The following PLCB1 variants were observed in gnomAD, a reference collection of about 807,000 sequenced individuals.
PLCB1 encodes phospholipase C beta 1.
A neutral mutation model predicts 161.8 loss-of-function variants in PLCB1; 46 were observed. The observed-to-expected ratio is 0.28, with a 90% CI of 0.22 to 0.36. The LOEUF (loss-of-function observed/expected upper bound fraction) is 0.36. PLCB1 is among the 10% of genes least tolerant of loss of function. The probability of loss-of-function intolerance (pLI) is 1.00; values close to 1 mark genes in which losing one functional copy is unlikely to be tolerated. For synonymous variants in PLCB1, 517 were observed against 503.7 expected, an observed-to-expected ratio of 1.03 and a Z score of -0.35; for missense variants, 1,016 against 1,472.5, an observed-to-expected ratio of 0.69 and a Z score of 5.07.
chr20:8,383,285 T>C (rs1430032094), intron 3 of PLCB1, among the ~76,000 whole-genome samples: 1 of 152,352 alleles, frequency 6.6e-6, no homozygotes, highest in East Asian at 1.9e-4. Flanking sequence ...TTTACCATTA[T>C]GTAATGCCCT....
chr20:8,811,903 G>A (rs1984839787), intron 31 of PLCB1, among the ~76,000 whole-genome samples: 1 of 152,184 alleles, frequency 6.6e-6, no homozygotes, highest in Non-Finnish European at 1.5e-5. Context: ...CCATTAAGGG[G>A]TAATGTACTT....
chr20:8,330,992 T>C (rs1985345704), intron 2 of PLCB1, among the ~76,000 whole-genome samples: 1 of 152,184 alleles, frequency 6.6e-6, no homozygotes, highest in Non-Finnish European at 1.5e-5. Flanking sequence ...CTATATAAAA[T>C]ACCATTTTGG....
intron 2 of PLCB1, among the ~76,000 whole-genome samples, chr20:8,215,850 GTA>G (rs912465373): frequency 2.0e-5 from 3 of 151,614 alleles, no homozygotes; most frequent in Non-Finnish European, 4.4e-5. Flanking sequence ...TTATATGTAT[GTA>G]TATATATTTA....
intron 2 of PLCB1, among the ~76,000 whole-genome samples, chr20:8,284,465 C>T (rs948920549): frequency 3.3e-5 from 5 of 152,134 alleles, no homozygotes; most frequent in African/African-American, 1.2e-4. Context: ...TGGCCAAGCA[C>T]AGTGGCTCAT....
chr20:8,652,219 T>A (rs1989340205), intron 7 of PLCB1: 1 of 152,050 alleles, frequency 6.6e-6, no homozygotes, highest in Non-Finnish European at 1.5e-5. Flanking sequence ...TCAAATAACA[T>A]GAGTTATGTT....
At chr20:8,686,202 A>G (rs1283236532) in intron 10 of PLCB1, among the ~76,000 whole-genome samples, 1 of 152,234 alleles carries the variant, frequency 6.6e-6, no homozygotes, top group Non-Finnish European at 1.5e-5. Context: ...AACTGTAACC[A>G]TTCTTTCTCA....
chr20:8,624,445 G>C (rs6118272), intron 3 of PLCB1, among the ~76,000 whole-genome samples: 33,612 of 152,052 alleles, frequency 0.22, 3,989 homozygotes, highest in Admixed American at 0.31. Context: ...GTTTTATTTT[G>C]TAGATACTTG....
intron 2 of PLCB1, among the ~76,000 whole-genome samples, chr20:8,208,539 T>A (rs1042226052): frequency 6.6e-6 from 1 of 151,952 alleles, no homozygotes; most frequent in Admixed American, 6.6e-5. Flanking sequence ...TTTTTTCAAA[T>A]TAATTAAAGG....
At chr20:8,727,422 A>G (rs1250991291) in intron 17 of PLCB1, 29 bp downstream of exon 17, 2 of 1,141,922 alleles carry the variant, frequency 1.8e-6, no homozygotes, top group African/African-American at 3.1e-5. Context: ...ATGACTGCAG[A>G]ATGAACACAG....
intron 2 of PLCB1, among the ~76,000 whole-genome samples, chr20:8,267,025 G>A (rs6086385): frequency 0.22 from 32,982 of 148,932 alleles, 4,093 homozygotes; most frequent in Non-Finnish European, 0.29. Flanking sequence ...CAACGAGAGC[G>A]AGACTTCGTC....
intron 18 of PLCB1, among the ~76,000 whole-genome samples, chr20:8,731,353 T>G (rs1980234987): frequency 6.6e-6 from 1 of 151,938 alleles, no homozygotes; most frequent in African/African-American, 2.4e-5. Flanking sequence ...TTCTAGCTAT[T>G]TTTAAATGTA....
At chr20:8,167,529 C>T (rs1219736427) in intron 2 of PLCB1, among the ~76,000 whole-genome samples, 1 of 152,130 alleles carries the variant, frequency 6.6e-6, no homozygotes, top group Non-Finnish European at 1.5e-5. Flanking sequence ...GACCAACACT[C>T]CTTCTACTGT....
At chr20:8,417,054 C>CATAT (rs1568667963) in intron 3 of PLCB1, among the ~76,000 whole-genome samples, 668 of 37,956 alleles carry the variant, frequency 0.018, 4 homozygotes, top group Middle Eastern at 0.04. Flanking sequence ...CACACACACA[C>CATAT]ATATATATAT....
At chr20:8,293,317 T>TCCTGTCATTTAACAC (rs1983467565) in intron 2 of PLCB1, among the ~76,000 whole-genome samples, 1 of 152,156 alleles carries the variant, frequency 6.6e-6, no homozygotes, top group Non-Finnish European at 1.5e-5. Context: ...TGTCATTCTT[T>TCCTGTCATTTAACAC]CAAGTAAAAA....
At chr20:8,486,605 C>T (rs1415023054) in intron 3 of PLCB1, among the ~76,000 whole-genome samples, 1 of 149,204 alleles carries the variant, frequency 6.7e-6, no homozygotes, top group Non-Finnish European at 1.5e-5. Flanking sequence ...ACGCCATTCT[C>T]CTGCCTCAGC....
intron 3 of PLCB1, among the ~76,000 whole-genome samples, chr20:8,571,229 C>G (rs976375026): frequency 6.6e-6 from 1 of 152,176 alleles, no homozygotes; most frequent in Non-Finnish European, 1.5e-5. Flanking sequence ...TAATCCCTAT[C>G]CCAGCACTTT....
In PLCB1 at chr20:8,576,558, C is replaced by T. The variant is rs544870922; in HGVS notation, c.247-51736C>T. Among the ~76,000 whole-genome samples the T allele has an allele frequency of 2.7e-4, 41 of 152,250 alleles. 1 individual carries two copies. Among genetic ancestry groups the T allele is most frequent in the African/African-American group, 8.9e-4 (37 of 41,552 alleles). On this transcript the variant is annotated intron_variant, in intron 3 of 31. Coordinates refer to ENST00000338037, the MANE Select transcript of PLCB1 (RefSeq NM_015192.4). Reference sequence around the variant, plus strand: ...GTGTAAATATACATATACACATAGTCTCTCTTTATATATAACTAAAAATCT... The same window carrying T: ...GTGTAAATATACATATACACATAGTTTCTCTTTATATATAACTAAAAATCT...
At chr20:8,561,091 G>A (rs1986125599) in intron 3 of PLCB1, among the ~76,000 whole-genome samples, 1 of 151,794 alleles carries the variant, frequency 6.6e-6, no homozygotes, top group Admixed American at 6.6e-5. Flanking sequence ...TGGGAAAATG[G>A]CCACAGAGAG....
chr20:8,142,152 A>G (rs1283834355), intron 1 of PLCB1, among the ~76,000 whole-genome samples: 7 of 152,064 alleles, frequency 4.6e-5, no homozygotes, highest in African/African-American at 1.4e-4. Flanking sequence ...GGAGGTGCTG[A>G]TGCTCAGGGG....
Sources: allele counts gnomAD v4.1 joint callset (sites outside exome capture counted in the v4.1 genomes callset), GRCh38; gene constraint gnomAD v4.1.1; transcripts MANE v1.5; gene names NCBI Gene and HGNC (gene_info 2026-07-23, HGNC 2026-07-21).